Variants in ABCA3 observed in about 807,000 individuals in gnomAD.
ABCA3 encodes the protein phospholipid-transporting ATPase ABCA3.
ABCA3 carries 88 observed loss-of-function variants against 172.8 expected under a neutral mutation model. That is an observed-to-expected ratio of 0.51 (90% confidence interval 0.43 to 0.61). The LOEUF (loss-of-function observed/expected upper bound fraction) is 0.61, where lower values mean the gene tolerates loss of function less well. Among genes scored for constraint, ABCA3 ranks in the 20% least tolerant of loss-of-function variants. The probability of loss-of-function intolerance (pLI) is 0.00; values close to 1 mark genes in which losing one functional copy is unlikely to be tolerated. For synonymous variants in ABCA3, 1,066 were observed against 983.8 expected (o/e 1.08, Z -1.56); for missense variants, 2,164 against 2,301.0 (o/e 0.94, Z 1.22).
In ABCA3 at chr16:2,279,954, T is replaced by TGTG. The variant is rs1329709722; in HGVS notation, c.4360-825_4360-824insCAC. Among the ~76,000 whole-genome samples, 1 of 152,240 alleles carries TGTG rather than the reference T, an allele frequency of 6.6e-6. No homozygotes were observed. Among genetic ancestry groups the TGTG allele is most frequent in the Non-Finnish European group, 1.5e-5 (1 of 68,044 alleles). The stretch of plus-strand genomic sequence containing the variant: ...TTGGTAGAGACAGCATTTTGCCATG[T>TGTG]TGGCCAGGCTGGTCTCGAACTCTAG... On this transcript the variant is annotated intron_variant, in intron 28 of 32. Transcript: ENST00000301732. The surrounding 1 kb of genome is among the most constrained non-coding windows in gnomAD (Gnocchi z 4.4).
Position 2,276,736 on chromosome 16 carries a change from G to C in ABCA3, c.5053C>G (p.Leu1685Val). The change falls in exon 33 of 33, where the codon CTG (leucine) becomes GTG (valine). Residue 1685 changes from leucine to valine, a missense_variant. This residue lies in a region of ABCA3 where 795 missense variants were observed against 881.9 expected (regional missense o/e 0.90). Coordinates refer to ENST00000301732, the MANE Select transcript of ABCA3 (RefSeq NM_001089.3). The part of the protein sequence containing the change: ...VDDYSVSQIS[L>V]EQVFLSFAHL... ...GCGAAGCTCAGGAAGACCTGTTCCA[G>C]CGAGATCTGGCTCACGGAGTAGTCG... 1 of 1,614,000 alleles carries C rather than the reference G, an allele frequency of 6.2e-7. No individual in the cohort carries two copies. Among genetic ancestry groups the C allele is most frequent in the Non-Finnish European group, 8.5e-7 (1 of 1,180,046 alleles).
intron 6 of ABCA3, among the ~76,000 whole-genome samples, 178 bp downstream of exon 6, chr16:2,324,226 T>A (rs2093730589): frequency 6.6e-6 from 1 of 152,140 alleles, no homozygotes; most frequent in African/African-American, 2.4e-5. Flanking sequence ...GTCACCAAGA[T>A]CCCCTTGGCG....
In ABCA3 at chr16:2,328,621, C is replaced by A; in HGVS notation, c.-195G>T. On this transcript the variant is annotated 5_prime_UTR_variant, in exon 3 of 33. Transcript: ENST00000301732. The stretch of plus-strand genomic sequence containing the variant: ...GATGGAGGAGGGGCAGTCTAGAGAG[C>A]CCCTGGTGCTGGTCCACTCGCTACA... The A allele has an allele frequency of 2.0e-6, 1 of 505,848 alleles. No individual in the cohort carries two copies. Among genetic ancestry groups the A allele is most frequent in the Non-Finnish European group, 3.9e-6 (1 of 253,746 alleles). 31.3% of individuals were successfully genotyped at this position (505,848 alleles called of 1,614,324 possible).
rs1479729272 is a variant in ABCA3 at position 2,277,274 on chromosome 16, G to A, written c.4983+323C>T. Among the ~76,000 whole-genome samples, 1 of 151,962 alleles carries A rather than the reference G, an allele frequency of 6.6e-6. No homozygotes were observed. On this transcript the variant is annotated intron_variant, in intron 32 of 32. Transcript: ENST00000301732. This position sits in a 1 kb window ranked among gnomAD's most constrained non-coding sequence, Gnocchi z 5.3. ...TACCTGGCTAATTTTTAAATTTTTT[G>A]TAGAGACGGGGTCTATGTTGCCCAG... is the stretch of plus-strand genomic sequence containing the variant.
At position 2,287,223 on chromosome 16, in the gene ABCA3, T is replaced by C. The variant is rs2093664545; in HGVS notation, c.3005-256A>G. Among the ~76,000 whole-genome samples, 1 of 152,020 alleles carries C rather than the reference T, an allele frequency of 6.6e-6. No individual in the cohort carries two copies. The highest frequency in any genetic ancestry group is 2.1e-4 in the South Asian group (1 of 4,810). ...AAGAAAACCTTCCAGTAGGTTCCAT[T>C]AACCAGAGCACGGTCCCTGTTCTGA... On this transcript the variant is annotated intron_variant, in intron 21 of 32. Transcript: ENST00000301732. This position sits in a 1 kb window ranked among gnomAD's most constrained non-coding sequence, Gnocchi z 4.1.
chr16:2,310,414 A>G (rs1187743210), intron 10 of ABCA3, among the ~76,000 whole-genome samples: 1 of 146,596 alleles, frequency 6.8e-6, no homozygotes, highest in African/African-American at 2.5e-5. Flanking sequence ...CTCAAAACAA[A>G]CAAACAAACA....
intron 10 of ABCA3, among the ~76,000 whole-genome samples, chr16:2,308,958 T>C (rs1489273607): frequency 6.6e-6 from 1 of 152,096 alleles, no homozygotes; most frequent in Non-Finnish European, 1.5e-5. Flanking sequence ...CACTTCTTTT[T>C]TTTTTGAGAA....
Position 2,295,586 on chromosome 16 carries a change from G to T in ABCA3, c.2414+4C>A, listed in dbSNP as rs780517355. Reference sequence around the variant, plus strand: ...CCTGTGCGTGCCCTCCCTGGGAGGCGTACCTGTGCGTGCTCTCTCTGGGAA... The same window carrying T: ...CCTGTGCGTGCCCTCCCTGGGAGGCTTACCTGTGCGTGCTCTCTCTGGGAA... On this transcript the variant is annotated splice_donor_region_variant and intron_variant, in intron 18 of 32. Transcript: ENST00000301732. The T allele has an allele frequency of 6.2e-7, 1 of 1,612,444 alleles. No homozygotes were observed. The highest frequency in any genetic ancestry group is 1.7e-5 in the Admixed American group (1 of 60,034).
At chr16:2,336,074 C>T (rs1405327715) in intron 1 of ABCA3, among the ~76,000 whole-genome samples, 2 of 152,072 alleles carry the variant, frequency 1.3e-5, no homozygotes, top group African/African-American at 4.8e-5. Context: ...GAAAAAGTGA[C>T]AGTATATGAG....
intron 1 of ABCA3, among the ~76,000 whole-genome samples, chr16:2,337,279 G>C (rs1398439168): frequency 1.3e-5 from 2 of 151,538 alleles, no homozygotes; most frequent in Non-Finnish European, 2.9e-5. Flanking sequence ...CATCAGGACA[G>C]TAATTGTAAT....
chr16:2,334,162 G>A (rs1465895383), intron 1 of ABCA3, among the ~76,000 whole-genome samples: 1 of 152,190 alleles, frequency 6.6e-6, no homozygotes, highest in Admixed American at 6.5e-5. Context: ...GGGTGATGGG[G>A]GGAGGTGACA....
chr16:2,311,056 G>A (rs1446074482), intron 10 of ABCA3, among the ~76,000 whole-genome samples: 2 of 150,644 alleles, frequency 1.3e-5, no homozygotes, highest in South Asian at 2.1e-4. Flanking sequence ...TCACTGAAAC[G>A]TCTACCTCCT....
At chr16:2,309,315 C>T (rs765416732) in intron 10 of ABCA3, among the ~76,000 whole-genome samples, 8 of 152,292 alleles carry the variant, frequency 5.3e-5, no homozygotes, top group Non-Finnish European at 1.0e-4. Flanking sequence ...TCGTCAGATA[C>T]GCACTGAGCA....
chr16:2,306,815 A>G (rs1425909219), intron 11 of ABCA3, among the ~76,000 whole-genome samples: 1 of 152,050 alleles, frequency 6.6e-6, no homozygotes, highest in Non-Finnish European at 1.5e-5. Context: ...GAAGATCGAG[A>G]CCATCCTGGC....
Position 2,278,560 on chromosome 16 carries a change from C to T in ABCA3, c.4548-102G>A. The T allele has an allele frequency of 2.1e-6, 3 of 1,446,166 alleles. No individual in the cohort carries two copies. Among genetic ancestry groups the T allele is most frequent in the Non-Finnish European group, 2.9e-6 (3 of 1,052,602 alleles). 89.6% of individuals were successfully genotyped at this position (1,446,166 alleles called of 1,614,324 possible). ...TGTCCCAGCAGCGGCCCACACCCAG[C>T]AATTGCAGAACAGCCCTAGTGAAGA... On this transcript the variant is annotated intron_variant, in intron 29 of 32. Coordinates refer to ENST00000301732, the MANE Select transcript of ABCA3 (RefSeq NM_001089.3). This position sits in a 1 kb window ranked among gnomAD's most constrained non-coding sequence, Gnocchi z 4.4.
At position 2,289,871 on chromosome 16, in the gene ABCA3, C is replaced by T. The variant is rs2093669136; in HGVS notation, c.2514-251G>A. 2.0e-5 allele frequency among the ~76,000 whole-genome samples: 3 copies of T among 152,118 alleles called. 1 individual carries two copies. The South Asian group carries it at 6.2e-4, about 32-fold the overall frequency. On this transcript the variant is annotated intron_variant, in intron 19 of 32. Coordinates refer to ENST00000301732, the MANE Select transcript of ABCA3 (RefSeq NM_001089.3). ...GGAACTCCTGACCTCAAGTGATCCA[C>T]CCACCTTGGCCTCTCAAAGTGCTGG...
chr16:2,281,090 C>T lies in ABCA3; in HGVS notation c.4296G>A (p.Glu1432=). ...KTTTFKMLTG[E]ESLTSGDAFV... ...AGGCATCCCCAGAAGTGAGGCTCTCCTCCCCGGTCAGCATTTTGAAAGTCG... is the reference window on the plus strand; with the variant it reads ...AGGCATCCCCAGAAGTGAGGCTCTCTTCCCCGGTCAGCATTTTGAAAGTCG... Residue 1432 remains glutamate (E), a synonymous_variant, in exon 28 of 33, where the codon GAG becomes GAA. Transcript: ENST00000301732. The surrounding 1 kb of genome is among the most constrained non-coding windows in gnomAD (Gnocchi z 4.7). 1.9e-6 allele frequency: 3 copies of T among 1,614,000 alleles called. No individual in the cohort carries two copies. Among genetic ancestry groups the T allele is most frequent in the Non-Finnish European group, 2.5e-6 (3 of 1,180,036 alleles).
In ABCA3 at chr16:2,297,001, C is replaced by A. The variant is rs1364024176; in HGVS notation, c.2263+328G>T. 1.3e-5 allele frequency among the ~76,000 whole-genome samples: 2 copies of A among 152,214 alleles called. No individual in the cohort carries two copies. Among genetic ancestry groups the A allele is most frequent in the Non-Finnish European group, 1.5e-5 (1 of 68,040 alleles). On this transcript the variant is annotated intron_variant, in intron 17 of 32. Transcript: ENST00000301732. This position sits in a 1 kb window ranked among gnomAD's most constrained non-coding sequence, Gnocchi z 5.6. Reference sequence around the variant, plus strand: ...CTGCTGGCCCTGGCCATGCTGTGAGCTGCTCTCACGTGGGAGCTGCCATGT... The same window carrying A: ...CTGCTGGCCCTGGCCATGCTGTGAGATGCTCTCACGTGGGAGCTGCCATGT...
At chr16:2,312,685 C>G (rs181218148) in intron 10 of ABCA3, among the ~76,000 whole-genome samples, 2 of 151,892 alleles carry the variant, frequency 1.3e-5, no homozygotes, top group African/African-American at 4.8e-5. Context: ...CCCACGACCA[C>G]GCCCAGCAAA....
Sources: gnomAD v4.1 joint callset for allele counts (sites outside exome capture counted in the v4.1 genomes callset) on GRCh38, gnomAD v4.1.1 for gene constraint, gnomAD v4.1.1 regional missense constraint, Gnocchi (gnomAD v3.1) non-coding constraint, MANE v1.5 for transcripts, NCBI Gene and HGNC (gene_info 2026-07-23, HGNC 2026-07-21) for gene names.